The following BORCS5 variants were observed in gnomAD, a reference collection of about 807,000 sequenced individuals.
The protein encoded by BORCS5 is BLOC-1-related complex subunit 5.
Under a neutral mutation model 22.1 loss-of-function variants are expected in BORCS5, and 17 were observed. The ratio of observed to expected loss-of-function variants is 0.77; its 90% CI spans 0.53 to 1.15. The LOEUF is 1.15. BORCS5 is among the 50% of genes most tolerant of loss of function. The pLI is 0.00. For synonymous variants in BORCS5, 117 were observed against 99.8 expected, an observed-to-expected ratio of 1.17 and a Z score of -1.03; for missense variants, 247 against 253.2, an observed-to-expected ratio of 0.98 and a Z score of 0.17.
At position 12,400,998 on chromosome 12, in the gene BORCS5, T is replaced by C. The variant is rs185810042; in HGVS notation, c.203-34630T>C. ...TCCATGTTGATATATGTCTCACTTA[T>C]TTTCACTGCTGCGTAGTATTCCATC... is the stretch of plus-strand genomic sequence containing the variant. On this transcript the variant is annotated intron_variant, in intron 2 of 3. Coordinates refer to ENST00000314565, the MANE Select transcript of BORCS5 (RefSeq NM_058169.6). Among the ~76,000 whole-genome samples the C allele has an allele frequency of 2.5e-3, 384 of 152,368 alleles. 3 individuals carry two copies. The highest frequency in any genetic ancestry group is 8.5e-3 in the African/African-American group (352 of 41,572).
intron 2 of BORCS5, among the ~76,000 whole-genome samples, chr12:12,410,201 C>A (rs1242096494): frequency 3.3e-5 from 5 of 152,162 alleles, no homozygotes; most frequent in Non-Finnish European, 7.4e-5. Flanking sequence ...ATGGTAGTTT[C>A]TTTTGCTGTG....
chr12:12,439,813 C>G (rs567242008), intron 3 of BORCS5, among the ~76,000 whole-genome samples: 3 of 152,124 alleles, frequency 2.0e-5, no homozygotes, highest in Non-Finnish European at 4.4e-5. Context: ...ATGTGTCCGT[C>G]TTATCTCTGT....
At chr12:12,400,602 A>AT (rs1941447394) in intron 2 of BORCS5, among the ~76,000 whole-genome samples, 1 of 151,970 alleles carries the variant, frequency 6.6e-6, no homozygotes, top group Non-Finnish European at 1.5e-5. Flanking sequence ...AAAAAAAAAA[A>AT]AATAGCAAAC....
At chr12:12,465,179 A>G (rs1045120918) in intron 3 of BORCS5, among the ~76,000 whole-genome samples, 4 of 152,174 alleles carry the variant, frequency 2.6e-5, no homozygotes, top group Non-Finnish European at 4.4e-5. Context: ...GACACAAAGG[A>G]TAAGCATTAG....
intron 3 of BORCS5, among the ~76,000 whole-genome samples, chr12:12,443,766 T>TC (rs1222248226): frequency 6.6e-6 from 1 of 152,054 alleles, no homozygotes; most frequent in East Asian, 1.9e-4. Context: ...CAGCCCCATT[T>TC]CCCCCCAGTT....
At chr12:12,414,736 G>C (rs1341381346) in intron 2 of BORCS5, among the ~76,000 whole-genome samples, 1 of 132,784 alleles carries the variant, frequency 7.5e-6, no homozygotes, top group Non-Finnish European at 1.6e-5. Flanking sequence ...GGGCGGAGAC[G>C]CTCCTCACTT....
At chr12:12,366,927 T>C (rs2136022789) in intron 2 of BORCS5, among the ~76,000 whole-genome samples, 1 of 152,322 alleles carries the variant, frequency 6.6e-6, no homozygotes, top group Non-Finnish European at 1.5e-5. Flanking sequence ...TTGCTGCCTA[T>C]GGAAGGGGCT....
intron 2 of BORCS5, among the ~76,000 whole-genome samples, chr12:12,387,372 C>G (rs1863905673): frequency 6.6e-6 from 1 of 151,432 alleles, no homozygotes; most frequent in Admixed American, 6.6e-5. Flanking sequence ...TAAACTAATT[C>G]ATAGTAAAAA....
At chr12:12,396,432 C>T (rs962931757) in intron 2 of BORCS5, among the ~76,000 whole-genome samples, 5 of 152,124 alleles carry the variant, frequency 3.3e-5, no homozygotes, top group Admixed American at 6.5e-5. Context: ...CAAAAGGAGG[C>T]CCTGCGGAGG....
chr12:12,459,594 G>C (rs1188809888), intron 3 of BORCS5, among the ~76,000 whole-genome samples: 1 of 152,204 alleles, frequency 6.6e-6, no homozygotes, highest in South Asian at 2.1e-4. Flanking sequence ...ACAGGCGTGA[G>C]CCACTGAGTC....
intron 2 of BORCS5, among the ~76,000 whole-genome samples, chr12:12,423,321 A>G (rs1019549720): frequency 3.3e-5 from 5 of 150,648 alleles, no homozygotes; most frequent in Non-Finnish European, 5.9e-5. Context: ...CCATATATTT[A>G]CCTTTACTGA....
At chr12:12,411,402 C>A (rs567230012) in intron 2 of BORCS5, among the ~76,000 whole-genome samples, 1 of 151,986 alleles carries the variant, frequency 6.6e-6, no homozygotes, top group Non-Finnish European at 1.5e-5. Context: ...GGAGAAATGT[C>A]GGTTCAAGTC....
At chr12:12,452,275 TA>T in intron 3 of BORCS5, 1 of 785,268 alleles carries the variant, frequency 1.3e-6, no homozygotes, top group Non-Finnish European at 2.1e-6. Context: ...CCAATTTGTG[TA>T]ACAATCCCAT....
intron 2 of BORCS5, among the ~76,000 whole-genome samples, chr12:12,422,380 C>T (rs899959248): frequency 1.4e-5 from 2 of 141,686 alleles, no homozygotes; most frequent in African/African-American, 5.7e-5. Context: ...TTGGAAGGCC[C>T]AGGCAGGCAG....
At chr12:12,438,372 A>AAAAAAAAAAAAAAAAAAAAAAAAAAAAC (rs1942604651) in intron 3 of BORCS5, among the ~76,000 whole-genome samples, 1 of 129,788 alleles carries the variant, frequency 7.7e-6, no homozygotes, top group Admixed American at 7.4e-5. Context: ...AAAAAAAAAA[A>AAAAAAAAAAAAAAAAAAAAAAAAAAAAC]AAAAAAAACG....
chr12:12,407,309 C>T (rs1941615576), intron 2 of BORCS5, among the ~76,000 whole-genome samples: 1 of 152,040 alleles, frequency 6.6e-6, no homozygotes, highest in South Asian at 2.1e-4. Flanking sequence ...TCAATTCTCT[C>T]CATTTTCAGG....
chr12:12,452,317 C>T, intron 3 of BORCS5: 2 of 701,218 alleles, frequency 2.9e-6, no homozygotes, highest in Non-Finnish European at 2.6e-6. Flanking sequence ...ATTCCCCCAT[C>T]ATCATTTCTG....
chr12:12,438,340 G>C (rs575775948), intron 3 of BORCS5, among the ~76,000 whole-genome samples: 1 of 113,282 alleles, frequency 8.8e-6, no homozygotes, highest in East Asian at 2.8e-4. Context: ...CAACCAGGGC[G>C]ACAGAGCCAG....
At chr12:12,424,295 T>A (rs181276487) in intron 2 of BORCS5, among the ~76,000 whole-genome samples, 1 of 152,340 alleles carries the variant, frequency 6.6e-6, no homozygotes, top group Admixed American at 6.5e-5. Flanking sequence ...TCACTCATTC[T>A]TTCTTCTGCC....
Sources: gnomAD v4.1 joint callset for allele counts (sites outside exome capture counted in the v4.1 genomes callset) on GRCh38, gnomAD v4.1.1 for gene constraint, MANE v1.5 for transcripts, NCBI Gene and HGNC (gene_info 2026-07-23, HGNC 2026-07-21) for gene names.